UGT2B7: variants seen among roughly 807,000 people sequenced by gnomAD.
The protein encoded by UGT2B7 is UDP-glucuronosyltransferase 2B7.
A neutral mutation model predicts 51.9 loss-of-function variants in UGT2B7; 51 were observed. The observed-to-expected ratio is 0.98, with a 90% CI of 0.78 to 1.24. UGT2B7 has a LOEUF of 1.24. Among genes scored for constraint, UGT2B7 ranks in the 50% most tolerant of loss-of-function variants. The probability of loss-of-function intolerance (pLI) is 0.00; values close to 1 mark genes in which losing one functional copy is unlikely to be tolerated. For synonymous variants in UGT2B7, 225 were observed against 211.6 expected (o/e 1.06, Z -0.55); for missense variants, 727 against 628.4 (o/e 1.16, Z -1.68).
intron 2 of UGT2B7, among the ~76,000 whole-genome samples, chr4:69,101,557 A>G (rs1293383393): frequency 8.5e-5 from 13 of 152,114 alleles, no homozygotes; most frequent in African/African-American, 3.1e-4. Flanking sequence ...GGCTACAGGC[A>G]ACTGCAATCA....
At chr4:69,056,436 G>T (rs1406625428) in intron 1 of UGT2B7, among the ~76,000 whole-genome samples, 1 of 152,200 alleles carries the variant, frequency 6.6e-6, no homozygotes, top group Non-Finnish European at 1.5e-5. Context: ...CTTGCTAGCA[G>T]CTGAAAGAAA....
chr4:69,108,781 G>A (rs1719687993), intron 5 of UGT2B7, among the ~76,000 whole-genome samples: 1 of 151,710 alleles, frequency 6.6e-6, no homozygotes, highest in African/African-American at 2.4e-5. Context: ...AAACCCCCCT[G>A]TTTATGTTAT....
chr4:69,100,746 G>A (rs1433133077), intron 2 of UGT2B7, among the ~76,000 whole-genome samples: 1 of 152,032 alleles, frequency 6.6e-6, no homozygotes, highest in Non-Finnish European at 1.5e-5. Flanking sequence ...TTATTAACTT[G>A]CAGAAAGATT....
chr4:69,093,679 AG>A (rs1236182628), upstream of UGT2B7, among the ~76,000 whole-genome samples: 1 of 152,158 alleles, frequency 6.6e-6, no homozygotes, highest in Non-Finnish European at 1.5e-5. Context: ...TGGGTTCATG[AG>A]GGGATCTTGT....
intron 1 of UGT2B7, among the ~76,000 whole-genome samples, chr4:69,072,608 C>A (rs780857046): frequency 3.9e-5 from 6 of 152,096 alleles, no homozygotes; most frequent in Non-Finnish European, 5.9e-5. Flanking sequence ...TAAATATATT[C>A]TTTAACATAC....
chr4:69,063,136 G>A (rs1396962544), intron 1 of UGT2B7, among the ~76,000 whole-genome samples: 4 of 151,190 alleles, frequency 2.6e-5, no homozygotes, highest in African/African-American at 4.9e-5. Flanking sequence ...CGGCTAAAAC[G>A]GTGAAACCCC....
chr4:69,088,853 T>C (rs1577917462), intron 1 of UGT2B7, among the ~76,000 whole-genome samples: 2 of 152,238 alleles, frequency 1.3e-5, no homozygotes, highest in South Asian at 4.1e-4. Flanking sequence ...CACAGATCCA[T>C]GAAGAAACTG....
chr4:69,097,345 G>T, intron 1 of UGT2B7, 104 bp downstream of exon 1: 1 of 1,363,298 alleles, frequency 7.3e-7, no homozygotes, highest in Non-Finnish European at 9.9e-7. Flanking sequence ...GTTTTGGTAA[G>T]TGAATTTATA....
chr4:69,074,380 C>A (rs750285688), intron 1 of UGT2B7, among the ~76,000 whole-genome samples: 3 of 149,944 alleles, frequency 2.0e-5, no homozygotes, highest in Non-Finnish European at 4.4e-5. Context: ...CCTGAACACA[C>A]CACTGCATTT....
chr4:69,089,751 G>T (rs1289188054), intron 2 of UGT2B7: 3 of 152,220 alleles, frequency 2.0e-5, no homozygotes, highest in South Asian at 4.1e-4. Context: ...AGTAGTGTAT[G>T]TGGGCTCAAC....
At chr4:69,100,323 T>A (rs1364136306) in intron 2 of UGT2B7, among the ~76,000 whole-genome samples, 3 of 101,928 alleles carry the variant, frequency 2.9e-5, no homozygotes, top group Admixed American at 1.2e-4. Flanking sequence ...TGTCAGCATA[T>A]AAGATTATAT....
Position 69,112,682 on chromosome 4 carries a change from T to G in UGT2B7, c.1536T>G (p.Cys512Trp). 6.2e-7 allele frequency: 1 copy of G among 1,613,902 alleles called. No homozygotes were observed. Among genetic ancestry groups the G allele is most frequent in the Non-Finnish European group, 8.5e-7 (1 of 1,179,854 alleles). ...ATVIFIVTKC[C>W]LFCFWKFARK... is the part of the protein sequence containing the mutation. The stretch of plus-strand genomic sequence containing the variant: ...TGATATTTATCGTCACAAAATGTTG[T>G]CTGTTTTGTTTCTGGAAGTTTGCTA... Residue 512 changes from cysteine (C) to tryptophan (W), a missense_variant, in exon 6 of 6, where the codon TGT (cysteine) becomes TGG (tryptophan). By Grantham distance (215) the Cys-to-Trp change is radical. Coordinates refer to ENST00000305231, the MANE Select transcript of UGT2B7 (RefSeq NM_001074.4).
intron 1 of UGT2B7, among the ~76,000 whole-genome samples, chr4:69,076,361 G>A (rs940715235): frequency 6.6e-6 from 1 of 152,174 alleles, no homozygotes; most frequent in Non-Finnish European, 1.5e-5. Context: ...TCACTACACT[G>A]TCTTCCACAA....
chr4:69,104,345 A>T (rs866115889), intron 3 of UGT2B7, among the ~76,000 whole-genome samples: 2 of 152,144 alleles, frequency 1.3e-5, no homozygotes, highest in Non-Finnish European at 2.9e-5. Context: ...TTTTATAAAG[A>T]TGGAGTCTGG....
chr4:69,083,132 C>T (rs950880557), intron 1 of UGT2B7, among the ~76,000 whole-genome samples: 11 of 152,012 alleles, frequency 7.2e-5, no homozygotes, highest in African/African-American at 2.7e-4. Flanking sequence ...ATCTACTCCT[C>T]AGAAAATAAA....
At position 69,075,901 on chromosome 4, in the gene UGT2B7, G is replaced by A. The variant is rs193264686; in HGVS notation, c.-158-13571G>A. 7.0e-4 allele frequency among the ~76,000 whole-genome samples: 106 copies of A among 152,144 alleles called. No individual in the cohort carries two copies. In the East Asian group the frequency reaches 0.019, roughly 28 times the overall value. On this transcript the variant is annotated intron_variant, in intron 1 of 5. Transcript: ENST00000502942. The stretch of plus-strand genomic sequence containing the variant: ...CCCATCAACCTGTCACCTATATTAG[G>A]TATTTCTCCTAATGCTATTCCACCC...
At chr4:69,068,358 G>A (rs1718525600) in intron 1 of UGT2B7, among the ~76,000 whole-genome samples, 1 of 151,846 alleles carries the variant, frequency 6.6e-6, no homozygotes, top group African/African-American at 2.4e-5. Flanking sequence ...TTCTTACAGT[G>A]GTGGTTGATT....
chr4:69,070,103 T>C (rs1337881671), intron 1 of UGT2B7, among the ~76,000 whole-genome samples: 2 of 151,558 alleles, frequency 1.3e-5, no homozygotes, highest in Non-Finnish European at 2.9e-5. Flanking sequence ...AATGCTTATC[T>C]ACGTATATTT....
At chr4:69,089,039 T>C (rs963657895) in intron 1 of UGT2B7, among the ~76,000 whole-genome samples, 15 of 152,160 alleles carry the variant, frequency 9.9e-5, no homozygotes, top group Admixed American at 9.2e-4. Flanking sequence ...CTTCTCTTTT[T>C]AGCTCTGGTG....
Sources: gnomAD v4.1 joint callset for allele counts (sites outside exome capture counted in the v4.1 genomes callset) on GRCh38, gnomAD v4.1.1 for gene constraint, MANE v1.5 for transcripts, NCBI Gene and HGNC (gene_info 2026-07-23, HGNC 2026-07-21) for gene names.